The following DPYS variants were observed in gnomAD, a reference collection of about 807,000 sequenced individuals.
DPYS encodes the protein dihydropyrimidine amidohydrolase.
DPYS carries 39 observed loss-of-function variants against 50.3 expected under a neutral mutation model. That is an observed-to-expected ratio of 0.78 (90% CI 0.60 to 1.01). The LOEUF (loss-of-function observed/expected upper bound fraction) is 1.01, where lower values mean the gene tolerates loss of function less well. Among genes scored for constraint, DPYS ranks in the 50% least tolerant of loss-of-function variants. The probability of loss-of-function intolerance (pLI) is 0.00; values close to 1 mark genes in which losing one functional copy is unlikely to be tolerated. For missense variants in DPYS, 659 were observed against 680.9 expected (o/e 0.97, Z 0.36); for synonymous variants, 245 against 250.7 (o/e 0.98, Z 0.22).
At chr8:104,428,214 T>C in intron 5 of DPYS, 93 bp from the exon 6 acceptor site, 21 of 1,554,040 alleles carry the variant, frequency 1.4e-5, no homozygotes, top group Non-Finnish European at 1.9e-5. Context: ...CTGGCTCCCT[T>C]CTCAATTGAA....
At chr8:104,405,848 G>A (rs908714042) in intron 7 of DPYS, among the ~76,000 whole-genome samples, 5 of 152,210 alleles carry the variant, frequency 3.3e-5, no homozygotes, top group South Asian at 4.1e-4. Context: ...GGGGAGCAGC[G>A]CCCAGGAGGG....
chr8:104,399,290 C>CAAAAAA (rs11323938), intron 7 of DPYS, among the ~76,000 whole-genome samples: 1 of 74,894 alleles, frequency 1.3e-5, no homozygotes. Flanking sequence ...GACTCCATCT[C>CAAAAAA]AAAAAAAAAA....
intron 2 of DPYS, among the ~76,000 whole-genome samples, chr8:104,450,024 T>C (rs1433035060): frequency 6.6e-6 from 1 of 152,110 alleles, no homozygotes; most frequent in East Asian, 1.9e-4. Context: ...ACTCTTTGTA[T>C]ACTAAAGTGT....
At chr8:104,388,117 C>A (rs1811270325) in intron 8 of DPYS, among the ~76,000 whole-genome samples, 2 of 152,164 alleles carry the variant, frequency 1.3e-5, no homozygotes, top group Non-Finnish European at 1.5e-5. Flanking sequence ...CTCTGAGCTA[C>A]CACCTTGAGA....
intron 7 of DPYS, chr8:104,419,859 T>C (rs1019431204): frequency 2.6e-5 from 4 of 152,208 alleles, no homozygotes; most frequent in African/African-American, 9.7e-5. Context: ...TAAGGAAATA[T>C]GATAAAGCAT....
At chr8:104,465,166 C>T (rs1039914992) in intron 1 of DPYS, among the ~76,000 whole-genome samples, 2 of 150,272 alleles carry the variant, frequency 1.3e-5, no homozygotes, top group Non-Finnish European at 2.9e-5. Context: ...GTAAGGAGAG[C>T]AAAACTGTCA....
intron 8 of DPYS, among the ~76,000 whole-genome samples, chr8:104,391,546 A>T (rs545176709): frequency 4.6e-5 from 7 of 152,154 alleles, no homozygotes; most frequent in Non-Finnish European, 1.0e-4. Flanking sequence ...AAATTCTCAA[A>T]TATTTTAGTG....
At chr8:104,381,589 T>G (rs1355598632) in intron 8 of DPYS, among the ~76,000 whole-genome samples, 1 of 152,174 alleles carries the variant, frequency 6.6e-6, no homozygotes, top group East Asian at 1.9e-4. Flanking sequence ...GTCCCACAAC[T>G]GTCTCCTGCT....
intron 5 of DPYS, 105 bp downstream of exon 5, chr8:104,429,440 G>C (rs1812871249): frequency 6.7e-7 from 1 of 1,492,944 alleles, no homozygotes; most frequent in Non-Finnish European, 9.3e-7. Flanking sequence ...TCAAGTAGAA[G>C]AGAATACTGG....
intron 7 of DPYS, among the ~76,000 whole-genome samples, chr8:104,399,290 C>CAAAAAAAAAAAAAA (rs11323938): frequency 3.1e-3 from 230 of 74,878 alleles, no homozygotes; most frequent in Middle Eastern, 0.013. Flanking sequence ...GACTCCATCT[C>CAAAAAAAAAAAAAA]AAAAAAAAAA....
At chr8:104,458,556 G>A (rs1814009509) in intron 1 of DPYS, among the ~76,000 whole-genome samples, 1 of 152,130 alleles carries the variant, frequency 6.6e-6, no homozygotes, top group Non-Finnish European at 1.5e-5. Flanking sequence ...GTTCATCTCT[G>A]TATATTCTGT....
At chr8:104,399,768 C>G (rs1271402818) in intron 7 of DPYS, among the ~76,000 whole-genome samples, 1 of 140,354 alleles carries the variant, frequency 7.1e-6, no homozygotes. Flanking sequence ...ACTTGGGAGG[C>G]TGAGGCAGGA....
At chr8:104,417,064 C>T (rs1812393303) in intron 7 of DPYS, among the ~76,000 whole-genome samples, 2 of 152,138 alleles carry the variant, frequency 1.3e-5, no homozygotes, top group Non-Finnish European at 2.9e-5. Flanking sequence ...AAAGATGGCA[C>T]AATGCTTTCA....
chr8:104,387,458 G>A (rs1811248238), intron 8 of DPYS, among the ~76,000 whole-genome samples: 1 of 152,208 alleles, frequency 6.6e-6, no homozygotes, highest in Non-Finnish European at 1.5e-5. Flanking sequence ...TGAACCCTCT[G>A]TGCAGAGGGG....
intron 8 of DPYS, among the ~76,000 whole-genome samples, chr8:104,381,997 C>T (rs1383648283): frequency 6.6e-6 from 1 of 152,150 alleles, no homozygotes; most frequent in African/African-American, 2.4e-5. Context: ...AGTTAGAATT[C>T]TCCATTTGCC....
At chr8:104,404,988 T>C (rs148468912) in intron 7 of DPYS, among the ~76,000 whole-genome samples, 1 of 150,232 alleles carries the variant, frequency 6.7e-6, no homozygotes, top group African/African-American at 2.5e-5. Flanking sequence ...CTCTGAAGAG[T>C]AATTGGAAGA....
intron 4 of DPYS, among the ~76,000 whole-genome samples, chr8:104,443,643 A>G (rs1813425797): frequency 6.6e-6 from 1 of 152,204 alleles, no homozygotes; most frequent in Admixed American, 6.5e-5. Flanking sequence ...CTGTAATCCC[A>G]GCACTTTGGA....
At chr8:104,463,972 T>C (rs1446827701) in intron 1 of DPYS, among the ~76,000 whole-genome samples, 1 of 152,208 alleles carries the variant, frequency 6.6e-6, no homozygotes, top group African/African-American at 2.4e-5. Context: ...TGGGAGTGGT[T>C]ACCTCTTGGG....
At chr8:104,419,202 A>G (rs1812471558) in intron 7 of DPYS, 1 of 327,248 alleles carries the variant, frequency 3.1e-6, no homozygotes, top group African/African-American at 2.2e-5. Flanking sequence ...AGTAAAAAGC[A>G]TGAAATGGGA....
Sources: allele counts gnomAD v4.1 joint callset (sites outside exome capture counted in the v4.1 genomes callset), GRCh38; gene constraint gnomAD v4.1.1; transcripts MANE v1.5; gene names NCBI Gene and HGNC (gene_info 2026-07-23, HGNC 2026-07-21).